RMST: variants seen among roughly 807,000 people sequenced by gnomAD.
RMST encodes long intergenic non-protein coding RNA 54.
chr12:97,473,159 T>C (rs1447912984), intron 5 of RMST, among the ~76,000 whole-genome samples: 2 of 152,106 alleles, frequency 1.3e-5, no homozygotes, highest in African/African-American at 4.8e-5. Context: ...TAGGTTCAGA[T>C]TATTTGTTGT....
At chr12:97,519,492 C>T (rs760445342) in intron 10 of RMST, among the ~76,000 whole-genome samples, 22 of 152,236 alleles carry the variant, frequency 1.4e-4, no homozygotes, top group Non-Finnish European at 2.1e-4. Flanking sequence ...ACATCAAGTG[C>T]GTGACAAATT....
intron 5 of RMST, among the ~76,000 whole-genome samples, chr12:97,479,113 T>C (rs1314283104): frequency 6.7e-6 from 1 of 149,184 alleles, no homozygotes; most frequent in African/African-American, 2.5e-5. Context: ...ATCTGTACTT[T>C]GGGTGTTTCC....
At chr12:97,555,956 C>A (rs1459456400) in intron 11 of RMST, among the ~76,000 whole-genome samples, 1 of 152,198 alleles carries the variant, frequency 6.6e-6, no homozygotes, top group Non-Finnish European at 1.5e-5. Flanking sequence ...ATCCATTCGG[C>A]ACAGAAACCC....
chr12:97,535,500 A>G (rs149053820), intron 11 of RMST, among the ~76,000 whole-genome samples: 1 of 151,484 alleles, frequency 6.6e-6, no homozygotes, highest in African/African-American at 2.4e-5. Context: ...ACTCCCCCCA[A>G]TCCAGTGAGG....
intron 10 of RMST, among the ~76,000 whole-genome samples, chr12:97,519,969 A>T (rs1165378397): frequency 2.0e-5 from 3 of 152,214 alleles, no homozygotes; most frequent in Non-Finnish European, 4.4e-5. Context: ...AAAATAATTG[A>T]TCACGAGGTA....
At chr12:97,515,565 A>G (rs373309672) in intron 10 of RMST, among the ~76,000 whole-genome samples, 12 of 152,118 alleles carry the variant, frequency 7.9e-5, no homozygotes, top group East Asian at 5.8e-4. Flanking sequence ...TACCAAACAT[A>G]GTATCAAACA....
At chr12:97,550,463 A>G (rs2136646695) in intron 11 of RMST, among the ~76,000 whole-genome samples, 1 of 152,324 alleles carries the variant, frequency 6.6e-6, no homozygotes, top group Admixed American at 6.5e-5. Flanking sequence ...GTGTCCAGAT[A>G]TAGGAATATT....
At chr12:97,473,517 T>C (rs1874180232) in intron 5 of RMST, among the ~76,000 whole-genome samples, 1 of 152,108 alleles carries the variant, frequency 6.6e-6, no homozygotes, top group Non-Finnish European at 1.5e-5. Flanking sequence ...TCTTTTGAAA[T>C]ATGTCAACTT....
At chr12:97,517,794 AT>A (rs1880088841) in intron 10 of RMST, among the ~76,000 whole-genome samples, 1 of 151,966 alleles carries the variant, frequency 6.6e-6, no homozygotes, top group South Asian at 2.1e-4. Flanking sequence ...ATTTATCATC[AT>A]GGGCTTCTGT....
chr12:97,544,082 AAGAAG>A (rs1436888957), intron 11 of RMST, among the ~76,000 whole-genome samples: 2 of 152,066 alleles, frequency 1.3e-5, no homozygotes, highest in Admixed American at 1.3e-4. Context: ...ATCAAAAAGA[AAGAAG>A]AGGAGACTAG....
At chr12:97,527,520 G>A (rs1189257950) in intron 10 of RMST, among the ~76,000 whole-genome samples, 1 of 152,164 alleles carries the variant, frequency 6.6e-6, no homozygotes, top group East Asian at 1.9e-4. Flanking sequence ...GAAAATAAAA[G>A]TAAGAGTGCT....
intron 10 of RMST, chr12:97,530,433 G>A (rs1881522886): frequency 6.6e-6 from 1 of 151,990 alleles, no homozygotes; most frequent in Non-Finnish European, 1.5e-5. Flanking sequence ...TTGCTTTCCT[G>A]CTCCGAGACA....
chr12:97,509,579 T>C (rs1879067338), intron 10 of RMST, among the ~76,000 whole-genome samples: 1 of 152,094 alleles, frequency 6.6e-6, no homozygotes, highest in Admixed American at 6.5e-5. Flanking sequence ...AGTTCTACAT[T>C]CTCTCCTTCT....
intron 13 of RMST, among the ~76,000 whole-genome samples, chr12:97,561,461 GA>G (rs1216492820): frequency 2.6e-5 from 4 of 151,650 alleles, no homozygotes; most frequent in Non-Finnish European, 5.9e-5. Flanking sequence ...TTTGGAACGG[GA>G]AAAAAAGAAC....
At chr12:97,477,714 C>G (rs1318940869) in intron 5 of RMST, among the ~76,000 whole-genome samples, 1 of 152,068 alleles carries the variant, frequency 6.6e-6, no homozygotes, top group African/African-American at 2.4e-5. Flanking sequence ...ATGGTTTTTC[C>G]TCTGTCTCTG....
At chr12:97,555,612 G>A (rs1192778975) in intron 11 of RMST, among the ~76,000 whole-genome samples, 1 of 152,200 alleles carries the variant, frequency 6.6e-6, no homozygotes, top group Non-Finnish European at 1.5e-5. Flanking sequence ...ATTGTTCACA[G>A]TCACAAGTGA....
chr12:97,552,818 G>A (rs979872433), intron 11 of RMST, among the ~76,000 whole-genome samples: 1 of 152,160 alleles, frequency 6.6e-6, no homozygotes, highest in African/African-American at 2.4e-5. Context: ...AGTGCCTCTC[G>A]AGTTACAAGA....
intron 10 of RMST, among the ~76,000 whole-genome samples, chr12:97,521,800 ATCTC>A (rs1220311664): frequency 6.6e-6 from 1 of 152,164 alleles, no homozygotes; most frequent in Non-Finnish European, 1.5e-5. Flanking sequence ...CAGTTTGTCT[ATCTC>A]TCCACAAACT....
chr12:97,500,921 A>C (rs1878015281), intron 10 of RMST, among the ~76,000 whole-genome samples: 1 of 152,256 alleles, frequency 6.6e-6, no homozygotes, highest in African/African-American at 2.4e-5. Flanking sequence ...AATAAAATTA[A>C]AACCCAGACA....
Sources: gnomAD v4.1 joint callset for allele counts (sites outside exome capture counted in the v4.1 genomes callset) on GRCh38, gnomAD v4.1.1 for gene constraint, MANE v1.5 for transcripts, NCBI Gene and HGNC (gene_info 2026-07-23, HGNC 2026-07-21) for gene names.